The following DNAH11 variants were observed in gnomAD, a reference collection of about 807,000 sequenced individuals.
DNAH11 encodes axonemal beta dynein heavy chain 11.
In DNAH11, 442 loss-of-function variants were observed where a neutral mutation model predicts 526.0. The ratio of observed to expected loss-of-function variants is 0.84; its 90% CI spans 0.78 to 0.91. The LOEUF is 0.91. DNAH11 is among the 40% of genes least tolerant of loss of function. DNAH11 has a pLI of 0.00. For missense variants in DNAH11, 6,989 were observed against 5,448.7 expected (o/e 1.28, Z -8.90); for synonymous variants, 2,461 against 1,935.9 (o/e 1.27, Z -7.12).
chr7:21,722,756 G>A (rs1784930221), intron 44 of DNAH11, among the ~76,000 whole-genome samples: 1 of 152,200 alleles, frequency 6.6e-6, no homozygotes, highest in African/African-American at 2.4e-5. Flanking sequence ...TACAACATGT[G>A]TGGGTTTCTT....
intron 68 of DNAH11, 104 bp downstream of exon 68, chr7:21,854,559 A>G (rs1782762129): frequency 8.1e-7 from 1 of 1,235,766 alleles, no homozygotes; most frequent in Non-Finnish European, 1.1e-6. Context: ...AACTATTATT[A>G]CTATTATTGA....
chr7:21,755,602 A>T (rs1439125260), intron 54 of DNAH11, among the ~76,000 whole-genome samples: 1 of 152,178 alleles, frequency 6.6e-6, no homozygotes, highest in African/African-American at 2.4e-5. Context: ...AAATATTTTT[A>T]AATTACCCTT....
At chr7:21,561,483 A>T (rs74485637) in intron 5 of DNAH11, 1 of 222,288 alleles carries the variant, frequency 4.5e-6, no homozygotes, top group African/African-American at 2.3e-5. Flanking sequence ...AGGTTTTCCA[A>T]TCAACAGATT....
intron 25 of DNAH11, among the ~76,000 whole-genome samples, chr7:21,633,619 G>A (rs1240148480): frequency 6.6e-6 from 1 of 152,100 alleles, no homozygotes; most frequent in Non-Finnish European, 1.5e-5. Context: ...ACAGGCTCCA[G>A]GTATGATACC....
chr7:21,636,621 C>G (rs1218709258), intron 26 of DNAH11, among the ~76,000 whole-genome samples: 3 of 152,030 alleles, frequency 2.0e-5, no homozygotes, highest in African/African-American at 4.8e-5. Context: ...GCTTGCAGTC[C>G]TAGCTACTTG....
chr7:21,882,491 A>G (rs894055739), intron 75 of DNAH11, among the ~76,000 whole-genome samples: 2 of 152,198 alleles, frequency 1.3e-5, no homozygotes, highest in South Asian at 2.1e-4. Flanking sequence ...AAGAGAATCA[A>G]TTATTGAAAA....
intron 76 of DNAH11, among the ~76,000 whole-genome samples, chr7:21,891,553 T>C (rs1165829051): frequency 6.6e-6 from 1 of 152,240 alleles, no homozygotes; most frequent in African/African-American, 2.4e-5. Context: ...TAAATTCTTT[T>C]GTTACATTTT....
intron 67 of DNAH11, 68 bp downstream of exon 67, chr7:21,852,699 G>C (rs1782689281): frequency 6.8e-7 from 1 of 1,478,894 alleles, no homozygotes. Flanking sequence ...GGGGTGGGCA[G>C]TGTGATCAGA....
intron 25 of DNAH11, among the ~76,000 whole-genome samples, chr7:21,629,680 C>A (rs747186183): frequency 1.3e-5 from 2 of 152,040 alleles, no homozygotes; most frequent in Non-Finnish European, 2.9e-5. Flanking sequence ...TAGTTATCTT[C>A]TTTACCTCTT....
chr7:21,899,525 G>A, intron 80 of DNAH11, 77 bp downstream of exon 80: 1 of 1,154,890 alleles, frequency 8.7e-7, no homozygotes, highest in Non-Finnish European at 1.3e-6. Context: ...GTTTACCTAT[G>A]ATGGCGTCTC....
In DNAH11 at chr7:21,852,574, C is replaced by T; in HGVS notation, c.11004C>T (p.Thr3668=). ...CAGAGGGAAGCTTTCTGGATGACAC[C>T]AAACTGGTAGAGAGATTGGAGGCAA... ...SAAEGSFLDD[T]KLVERLEATK... Residue 3668 remains threonine (T), a synonymous_variant, in exon 67 of 82, where the codon ACC becomes ACT. Coordinates refer to ENST00000409508, the MANE Select transcript of DNAH11 (RefSeq NM_001277115.2). 3 of 1,611,584 alleles carry T rather than the reference C, an allele frequency of 1.9e-6. No homozygotes were observed. The highest frequency in any genetic ancestry group is 1.7e-4 in the Middle Eastern group (1 of 6,040).
rs1782646112 is a variant in DNAH11 at position 21,543,041 on chromosome 7, C to G, written c.-205C>G. ...CCGGGAAACGGGACGCGCTGCTTGT[C>G]CCAGGCCTTCGCTTCGGCCTGCGAG... On this transcript the variant is annotated 5_prime_UTR_variant, in exon 1 of 82. Coordinates refer to ENST00000409508, the MANE Select transcript of DNAH11 (RefSeq NM_001277115.2). Among the ~76,000 whole-genome samples, 1 of 152,198 alleles carries G rather than the reference C, an allele frequency of 6.6e-6. No homozygotes were observed. Among genetic ancestry groups the G allele is most frequent in the Non-Finnish European group, 1.5e-5 (1 of 68,024 alleles).
intron 65 of DNAH11, among the ~76,000 whole-genome samples, chr7:21,828,630 C>T (rs997395292): frequency 1.3e-4 from 20 of 151,918 alleles, no homozygotes; most frequent in Admixed American, 9.8e-4. Context: ...AATAAAATAA[C>T]AAACAAATGA....
intron 54 of DNAH11, among the ~76,000 whole-genome samples, chr7:21,758,317 C>G (rs17145274): frequency 2.0e-5 from 3 of 152,152 alleles, no homozygotes; most frequent in East Asian, 1.9e-4. Flanking sequence ...GAGGTTTACC[C>G]TCTTTGAGAT....
intron 40 of DNAH11, among the ~76,000 whole-genome samples, chr7:21,709,061 C>T (rs1388404458): frequency 6.6e-6 from 1 of 152,206 alleles, no homozygotes; most frequent in African/African-American, 2.4e-5. Flanking sequence ...TTTGACCCAG[C>T]AATCCCATTA....
At chr7:21,730,821 A>G (rs557713327) in intron 45 of DNAH11, among the ~76,000 whole-genome samples, 1 of 152,308 alleles carries the variant, frequency 6.6e-6, no homozygotes, top group East Asian at 1.9e-4. Context: ...CATTAAGAGA[A>G]AAAATTGTAA....
At position 21,749,740 on chromosome 7, in the gene DNAH11, G is replaced by T; in HGVS notation, c.8736G>T (p.Leu2912=). The part of the protein sequence containing the change: ...GAKNMPTVFL[L]TDAQVLDESF... ...AGAACATGCCCACTGTGTTCCTGCT[G>T]ACAGATGCCCAGGTTCTAGATGAGA... Residue 2912 remains leucine, a synonymous_variant, in exon 53 of 82, where the codon CTG becomes CTT. Coordinates refer to ENST00000409508, the MANE Select transcript of DNAH11 (RefSeq NM_001277115.2). 6.2e-7 allele frequency: 1 copy of T among 1,613,984 alleles called. No individual in the cohort carries two copies. The highest frequency in any genetic ancestry group is 8.5e-7 in the Non-Finnish European group (1 of 1,179,858).
intron 56 of DNAH11, among the ~76,000 whole-genome samples, chr7:21,777,620 T>A (rs1482602016): frequency 6.6e-6 from 1 of 152,158 alleles, no homozygotes; most frequent in Admixed American, 6.6e-5. Context: ...CTAATAGGCG[T>A]GTAGTGATAT....
chr7:21,879,350 G>A (rs989132142), intron 74 of DNAH11, among the ~76,000 whole-genome samples: 21 of 151,932 alleles, frequency 1.4e-4, no homozygotes, highest in African/African-American at 3.9e-4. Context: ...CCAGCTACTC[G>A]GGAGGCTGAG....
Sources: allele counts gnomAD v4.1 joint callset (sites outside exome capture counted in the v4.1 genomes callset), GRCh38; gene constraint gnomAD v4.1.1; transcripts MANE v1.5; gene names NCBI Gene and HGNC (gene_info 2026-07-23, HGNC 2026-07-21).